TCFL5: variants seen among roughly 807,000 people sequenced by gnomAD.
The protein encoded by TCFL5 is transcription factor-like 5 protein.
In TCFL5, 9 loss-of-function variants were observed where a neutral mutation model predicts 44.3. The ratio of observed to expected loss-of-function variants is 0.20; its 90% CI spans 0.12 to 0.35. The LOEUF is 0.35. Among genes scored for constraint, TCFL5 ranks in the 10% least tolerant of loss-of-function variants. The pLI, the probability that TCFL5 is intolerant of heterozygous loss-of-function variation, is 1.00. For missense variants in TCFL5, 603 were observed against 613.4 expected (o/e 0.98, Z 0.18); for synonymous variants, 319 against 271.6 (o/e 1.17, Z -1.72).
rs116657348 is a variant in TCFL5, at chr20:62,851,748, C to T, written c.1380+2268G>A. On this transcript the variant is annotated intron_variant, in intron 5 of 5. Transcript: ENST00000335351. Reference sequence around the variant, plus strand: ...AAACTATTGCCTGGCGCTGAAGAGACGAGCCCTCACTCAACACAGCCCAGC... The same window carrying T: ...AAACTATTGCCTGGCGCTGAAGAGATGAGCCCTCACTCAACACAGCCCAGC... 2,445 of 985,402 alleles carry T rather than the reference C, an allele frequency of 2.5e-3. 57 individuals are homozygous for T. In the African/African-American group the frequency reaches 0.038, roughly 15 times the overall value. The allele number at this position is 985,402 out of a possible 1,614,324, so 61.0% of individuals were successfully genotyped here.
At chr20:62,856,136 G>A (rs1164751575) in intron 4 of TCFL5, among the ~76,000 whole-genome samples, 2 of 148,910 alleles carry the variant, frequency 1.3e-5, no homozygotes, top group Non-Finnish European at 3.0e-5. Flanking sequence ...TGTAATCCCA[G>A]CTACTGGGGA....
chr20:62,859,197 A>G (rs917979553), intron 3 of TCFL5, among the ~76,000 whole-genome samples, 167 bp downstream of exon 3: 2 of 152,236 alleles, frequency 1.3e-5, no homozygotes, highest in Admixed American at 1.3e-4. Flanking sequence ...TTTAAAGCGA[A>G]AAGACAGGGA....
chr20:62,858,932 C>T (rs1042587434), intron 3 of TCFL5, among the ~76,000 whole-genome samples: 5 of 146,672 alleles, frequency 3.4e-5, no homozygotes, highest in African/African-American at 1.3e-4. Flanking sequence ...TTCCGAATCA[C>T]CTTACAGCCT....
chr20:62,853,964 T>C lies in TCFL5; in HGVS notation c.1380+52A>G, dbSNP rs1600847221. On this transcript the variant is annotated intron_variant, in intron 5 of 5. Coordinates refer to ENST00000335351, the MANE Select transcript of TCFL5 (RefSeq NM_006602.4). The stretch of plus-strand genomic sequence containing the variant: ...TTATCCTTAGGAAAAAGGAGGGACA[T>C]TGTTAAGTAAAATTTGTAAAATTCT... 5 of 1,594,354 alleles carry C rather than the reference T, an allele frequency of 3.1e-6. No individual in the cohort carries two copies. In the South Asian group the frequency reaches 3.3e-5, roughly 11 times the overall value.
rs763514191 is a variant in TCFL5, at chr20:62,861,515, C to T, written c.156G>A (p.Val52=). The T allele has an allele frequency of 1.8e-5, 21 of 1,186,560 alleles. No individual in the cohort carries two copies. The highest frequency in any genetic ancestry group is 9.8e-5 in the African/African-American group (6 of 61,402). The allele number at this position is 1,186,560 out of a possible 1,614,324, so 73.5% of individuals were successfully genotyped here. ...TDLSLVEMTE[V]EYTQLQHILC... is the part of the protein sequence containing the mutation. ...GGATGTGCTGCAGCTGCGTGTACTC[C>T]ACCTCCGTCATCTCCACCAGGCTCA... The change falls in exon 1 of 6, where the codon GTG becomes GTA. Residue 52 remains valine (V), a synonymous_variant. Coordinates refer to ENST00000335351, the MANE Select transcript of TCFL5 (RefSeq NM_006602.4). This position sits in a 1 kb window ranked among gnomAD's most constrained non-coding sequence, Gnocchi z 4.0.
chr20:62,860,144 G>C lies in TCFL5; in HGVS notation c.812C>G (p.Ser271Cys), dbSNP rs2063969837. 2 of 1,610,184 alleles carry C rather than the reference G, an allele frequency of 1.2e-6. No homozygotes were observed. The highest frequency in any genetic ancestry group is 2.2e-5 in the East Asian group (1 of 44,772). Residue 271 changes from serine (S) to cysteine (C), a missense_variant, in exon 2 of 6, where the codon TCT becomes TGT. Physicochemically the swap from Ser to Cys is moderately radical, Grantham distance 112. Coordinates refer to ENST00000335351, the MANE Select transcript of TCFL5 (RefSeq NM_006602.4). ...CCCTACCTGTGTCTGTGAAAGATTAGAATTTCCACTAGTAGAGCAAGCATT... is the reference window on the plus strand; with the variant it reads ...CCCTACCTGTGTCTGTGAAAGATTACAATTTCCACTAGTAGAGCAAGCATT... Reference protein sequence around the residue: ...TTNACSTSGNSNLSQTQSSSN... With the variant: ...TTNACSTSGNCNLSQTQSSSN...
chr20:62,854,369 T>G (rs2063856100), intron 4 of TCFL5, among the ~76,000 whole-genome samples: 1 of 152,206 alleles, frequency 6.6e-6, no homozygotes, highest in Non-Finnish European at 1.5e-5. Context: ...CAGAGCATCC[T>G]CGGGTGCCCT....
rs148254292 is a variant in TCFL5 at position 62,854,137 on chromosome 20, C to T, written c.1259G>A (p.Cys420Tyr). The T allele has an allele frequency of 6.2e-7, 1 of 1,614,138 alleles. No individual in the cohort carries two copies. The highest frequency in any genetic ancestry group is 8.5e-7 in the Non-Finnish European group (1 of 1,180,042). Residue 420 changes from cysteine to tyrosine, a missense_variant, in exon 5 of 6, where the codon TGT becomes TAT. By Grantham distance (194) the Cys-to-Tyr change is radical. This residue lies in a region of TCFL5 where 21 missense variants were observed against 54.0 expected (regional missense o/e 0.39). Coordinates refer to ENST00000335351, the MANE Select transcript of TCFL5 (RefSeq NM_006602.4). The stretch of plus-strand genomic sequence containing the variant: ...CGGCACTAAGAGATTCAACTCATCA[C>T]AGCAAATGCGGATTCTGCGCCTATA... ...RDRRRRIRICCDELNLLVPFC... is the reference protein window; with the variant it reads ...RDRRRRIRICYDELNLLVPFC...
chr20:62,845,859 T>A (rs1327175729), intron 5 of TCFL5: 2 of 1,582,364 alleles, frequency 1.3e-6, no homozygotes, highest in Admixed American at 3.5e-5. Flanking sequence ...TCAGTTTGCG[T>A]GTGGAGAAAC....
At chr20:62,846,001 C>T (rs778510446) in intron 5 of TCFL5, 7 of 1,396,486 alleles carry the variant, frequency 5.0e-6, no homozygotes, top group Middle Eastern at 1.9e-4. Context: ...CGTGGAGACA[C>T]AGCCATTTGT....
intron 5 of TCFL5, among the ~76,000 whole-genome samples, chr20:62,847,523 A>G (rs374804115): frequency 6.6e-6 from 1 of 152,262 alleles, no homozygotes; most frequent in African/African-American, 2.4e-5. Flanking sequence ...CAGCAGACCA[A>G]GGAGCTCAGG....
Position 62,861,518 on chromosome 20 carries a change from C to G in TCFL5, c.153G>C (p.Glu51Asp), listed in dbSNP as rs766008817. The G allele has an allele frequency of 1.2e-5, 14 of 1,182,272 alleles. No individual in the cohort carries two copies. The highest frequency in any genetic ancestry group is 2.9e-5 in the South Asian group (1 of 34,112). 73.2% of individuals were successfully genotyped at this position (1,182,272 alleles called of 1,614,324 possible). The stretch of plus-strand genomic sequence containing the variant: ...TGTGCTGCAGCTGCGTGTACTCCAC[C>G]TCCGTCATCTCCACCAGGCTCAGGT... ...TTDLSLVEMT[E>D]VEYTQLQHIL... The change falls in exon 1 of 6, where the codon GAG becomes GAC. Residue 51 changes from glutamate (E) to aspartate (D), a missense_variant. By Grantham distance (45) the Glu-to-Asp change is conservative. This residue lies in a region of TCFL5 where 540 missense variants were observed against 478.7 expected (regional missense o/e 1.13). Transcript: ENST00000335351. The surrounding 1 kb of genome is among the most constrained non-coding windows in gnomAD (Gnocchi z 4.0).
chr20:62,842,141 T>A lies in TCFL5; in HGVS notation c.1381-44A>T, dbSNP rs1289005036. On this transcript the variant is annotated intron_variant, in intron 5 of 5. Transcript: ENST00000335351. This position sits in a 1 kb window ranked among gnomAD's most constrained non-coding sequence, Gnocchi z 4.3. ...GGTTAACATACTGAATTAACTGACA[T>A]GAAAACTGCTGTCTTCCAAAGTGCA... 2 of 1,610,698 alleles carry A rather than the reference T, an allele frequency of 1.2e-6. No individual in the cohort carries two copies. The highest frequency in any genetic ancestry group is 1.7e-6 in the Non-Finnish European group (2 of 1,178,050).
At chr20:62,843,776 G>A (rs937707851) in intron 5 of TCFL5, among the ~76,000 whole-genome samples, 11 of 152,154 alleles carry the variant, frequency 7.2e-5, no homozygotes, top group African/African-American at 1.9e-4. Context: ...CCCCTGGCAC[G>A]TACCAGTCCA....
At chr20:62,852,839 C>T (rs945729861) in intron 5 of TCFL5, 1 of 1,289,508 alleles carries the variant, frequency 7.8e-7, no homozygotes, top group Admixed American at 2.3e-5. Flanking sequence ...TATAGTCAAC[C>T]AGTCCACAAA....
chr20:62,846,209 A>T, intron 5 of TCFL5: 5 of 866,200 alleles, frequency 5.8e-6, no homozygotes, highest in Non-Finnish European at 8.0e-6. Flanking sequence ...TCATCCTCAG[A>T]CATAACTAGG....
chr20:62,858,238 G>C (rs922502170), intron 3 of TCFL5, among the ~76,000 whole-genome samples: 1 of 152,216 alleles, frequency 6.6e-6, no homozygotes, highest in Non-Finnish European at 1.5e-5. Context: ...GCTATGCCAC[G>C]TGTGCGTCAG....
chr20:62,854,198 G>C, intron 4 of TCFL5, 41 bp from the exon 5 acceptor site: 2 of 1,606,450 alleles, frequency 1.2e-6, no homozygotes, highest in African/African-American at 1.3e-5. Flanking sequence ...AGAGACCGGA[G>C]CAAAACAAAC....
In TCFL5 at chr20:62,846,223, T is replaced by C. The variant is rs528223061; in HGVS notation, c.1381-4126A>G. The C allele has an allele frequency of 3.0e-5, 20 of 671,862 alleles. No individual in the cohort carries two copies. In the African/African-American group the frequency reaches 3.8e-4, roughly 13 times the overall value. 41.6% of individuals were successfully genotyped at this position (671,862 alleles called of 1,614,324 possible). A position where few individuals can be genotyped will look rare whatever the true frequency, so the allele number is the denominator to read the frequency against. On this transcript the variant is annotated intron_variant, in intron 5 of 5. Transcript: ENST00000335351. The stretch of plus-strand genomic sequence containing the variant: ...ATCATCCTCAGACATAACTAGGCGC[T>C]CGCAAGATCTTCTGAACTATTTTCA...
Sources: gnomAD v4.1 joint callset for allele counts (sites outside exome capture counted in the v4.1 genomes callset) on GRCh38, gnomAD v4.1.1 for gene constraint, gnomAD v4.1.1 regional missense constraint, Gnocchi (gnomAD v3.1) non-coding constraint, MANE v1.5 for transcripts, NCBI Gene and HGNC (gene_info 2026-07-23, HGNC 2026-07-21) for gene names.